PAEP: variants seen among roughly 807,000 people sequenced by gnomAD.
PAEP encodes the protein progestagen associated endometrial protein.
A neutral mutation model predicts 23.0 loss-of-function variants in PAEP; 28 were observed. That is an observed-to-expected ratio of 1.22 (90% CI 0.90 to 1.67). The LOEUF is 1.67. Among genes scored for constraint, PAEP ranks in the 40% most tolerant of loss-of-function variants. The probability of loss-of-function intolerance (pLI) is 0.00; values close to 1 mark genes in which losing one functional copy is unlikely to be tolerated. For synonymous variants in PAEP, 103 were observed against 92.4 expected (o/e 1.12, Z -0.66); for missense variants, 209 against 226.4 (o/e 0.92, Z 0.49).
chr9:135,565,296 C>T (rs762101052), intron 4 of PAEP, 114 bp from the exon 5 acceptor site: 4 of 870,318 alleles, frequency 4.6e-6, no homozygotes, highest in Non-Finnish European at 7.7e-6. Flanking sequence ...CTCTGCCAGA[C>T]CTCGGAGCAC....
Position 135,565,769 on chromosome 9 carries a change from C to G in PAEP, c.527-16C>G, listed in dbSNP as rs763483993. The G allele has an allele frequency of 3.1e-6, 5 of 1,614,046 alleles. No homozygotes were observed. In the South Asian group the frequency reaches 5.5e-5, roughly 18 times the overall value. ...TTCTCTCGCTGACACCTCCACTGTCCCATCTCCTCCCACAGAGCCGTGCCG... is the reference window on the plus strand; with the variant it reads ...TTCTCTCGCTGACACCTCCACTGTCGCATCTCCTCCCACAGAGCCGTGCCG... On this transcript the variant is annotated splice_polypyrimidine_tract_variant and intron_variant, in intron 5 of 6. Transcript: ENST00000479141.
chr9:135,562,437 G>T lies in PAEP; in HGVS notation c.236+4G>T, dbSNP rs1277200952. ...TGGAGATCGTTCTGCACAGATGGTG[G>T]GTTTCTCATCATTGAGACGGGCTGG... On this transcript the variant is annotated splice_donor_region_variant and intron_variant, in intron 2 of 6. Transcript: ENST00000479141. 1 of 1,613,108 alleles carries T rather than the reference G, an allele frequency of 6.2e-7. No homozygotes were observed. The highest frequency in any genetic ancestry group is 1.3e-5 in the African/African-American group (1 of 74,892).
intron 3 of PAEP, 146 bp from the exon 4 acceptor site, chr9:135,564,098 T>A: frequency 7.7e-7 from 1 of 1,303,860 alleles, no homozygotes; most frequent in Non-Finnish European, 1.0e-6. Flanking sequence ...CTGGCTTCCC[T>A]GATCATGGTC....
chr9:135,564,008 C>T (rs1778275373), intron 3 of PAEP, among the ~76,000 whole-genome samples: 1 of 152,210 alleles, frequency 6.6e-6, no homozygotes, highest in African/African-American at 2.4e-5. Context: ...GCCGTGTCTG[C>T]CTCTCCACGG....
intron 2 of PAEP, 126 bp downstream of exon 2, chr9:135,562,559 C>T (rs1330318521): frequency 8.2e-7 from 1 of 1,223,984 alleles, no homozygotes; most frequent in Non-Finnish European, 1.1e-6. Context: ...AGGGGCTTCA[C>T]TGTGGCCCTT....
At chr9:135,563,920 T>C (rs1304098456) in intron 3 of PAEP, among the ~76,000 whole-genome samples, 1 of 152,104 alleles carries the variant, frequency 6.6e-6, no homozygotes, top group Non-Finnish European at 1.5e-5. Context: ...TGTGCCCTGT[T>C]CCTGTGCCAT....
At position 135,565,397 on chromosome 9, in the gene PAEP, G is replaced by C. The variant is rs1047730549; in HGVS notation, c.422-13G>C. ...GCCCCAGGGGCCCAGGACTGACCCA[G>C]CCTCTTCCACAGCCAGAGTCCTGGT... On this transcript the variant is annotated splice_polypyrimidine_tract_variant and intron_variant, in intron 4 of 6. Coordinates refer to ENST00000479141, the MANE Select transcript of PAEP (RefSeq NM_002571.4). 2 of 1,611,278 alleles carry C rather than the reference G, an allele frequency of 1.2e-6. No individual in the cohort carries two copies. Among genetic ancestry groups the C allele is most frequent in the Admixed American group, 3.3e-5 (2 of 60,026 alleles).
chr9:135,566,009 T>G (rs910757429), intron 6 of PAEP, among the ~76,000 whole-genome samples: 2 of 152,138 alleles, frequency 1.3e-5, no homozygotes, highest in Non-Finnish European at 2.9e-5. Context: ...TTGCAGCCAT[T>G]GTATTAGTCA....
chr9:135,563,037 G>A (rs867795643), intron 3 of PAEP, 144 bp downstream of exon 3: 56 of 672,190 alleles, frequency 8.3e-5, no homozygotes, highest in East Asian at 5.2e-4. Context: ...TGTTTACTCC[G>A]GTCAACCTGA....
At chr9:135,562,759 A>G (rs1832370776) in intron 2 of PAEP, 61 bp from the exon 3 acceptor site, 1 of 1,372,322 alleles carries the variant, frequency 7.3e-7, no homozygotes, top group Non-Finnish European at 1.0e-6. Flanking sequence ...TGATTTTAGG[A>G]GTGACAGTGA....
chr9:135,562,292 A>G lies in PAEP; in HGVS notation c.97-2A>G, dbSNP rs1468120421. 1 of 1,613,416 alleles carries G rather than the reference A, an allele frequency of 6.2e-7. No individual in the cohort carries two copies. The highest frequency in any genetic ancestry group is 1.7e-4 in the Middle Eastern group (1 of 6,058). On this transcript the variant is annotated splice_acceptor_variant, in intron 1 of 6. Coordinates refer to ENST00000479141, the MANE Select transcript of PAEP (RefSeq NM_002571.4). LOFTEE classifies it high-confidence loss of function. ...CCGCCGTGCAGCCCAAGGCCCCCTCAGTTGGCAGGGACCTGGCACTCCATG... is the reference window on the plus strand; with the variant it reads ...CCGCCGTGCAGCCCAAGGCCCCCTCGGTTGGCAGGGACCTGGCACTCCATG...
chr9:135,565,306 C>A, intron 4 of PAEP, 104 bp from the exon 5 acceptor site: 1 of 953,194 alleles, frequency 1.0e-6, no homozygotes, highest in Non-Finnish European at 1.7e-6. Flanking sequence ...CCTCGGAGCA[C>A]TGGGGCCTCC....
chr9:135,562,211 C>G (rs1832330539), intron 1 of PAEP, 83 bp from the exon 2 acceptor site: 1 of 1,491,348 alleles, frequency 6.7e-7, no homozygotes, highest in Non-Finnish European at 9.1e-7. Context: ...GTACCCATCC[C>G]AGTTAGACTC....
Position 135,566,576 on chromosome 9 carries a change from C to G in PAEP, c.*24C>G, listed in dbSNP as rs1245155946. On this transcript the variant is annotated 3_prime_UTR_variant, in exon 7 of 7. Coordinates refer to ENST00000479141, the MANE Select transcript of PAEP (RefSeq NM_002571.4). ...AGCTCACCTCCGCCTCCAGGAAGAC[C>G]AGACTCCCACCCTTCCACACCTCCA... 1 of 154,984 alleles carries G rather than the reference C, an allele frequency of 6.5e-6. No individual in the cohort carries two copies. The highest frequency in any genetic ancestry group is 1.5e-5 in the Non-Finnish European group (1 of 68,344). 9.6% of individuals were successfully genotyped at this position (154,984 alleles called of 1,614,324 possible).
chr9:135,564,130 T>C (rs1832463492), intron 3 of PAEP, 114 bp from the exon 4 acceptor site: 5 of 1,440,780 alleles, frequency 3.5e-6, no homozygotes, highest in Non-Finnish European at 4.7e-6. Flanking sequence ...CCACGTCCCA[T>C]GGTGTCAGTG....
Position 135,565,523 on chromosome 9 carries a change from T to C in PAEP, c.526+9T>C. On this transcript the variant is annotated intron_variant, in intron 5 of 6. Transcript: ENST00000479141. ...CTTGAAACAGATGGAAGGTGAGCTC[T>C]GCCTAGGACACGCCCAGCCTCAGCT... 1 of 1,600,112 alleles carries C rather than the reference T, an allele frequency of 6.2e-7. No homozygotes were observed. The highest frequency in any genetic ancestry group is 8.6e-7 in the Non-Finnish European group (1 of 1,167,308).
intron 2 of PAEP, 26 bp from the exon 3 acceptor site, chr9:135,562,794 C>T (rs758614433): frequency 4.1e-5 from 66 of 1,592,196 alleles, no homozygotes; most frequent in Non-Finnish European, 5.4e-5. Context: ...CAAGTGGCCA[C>T]TCATCCTATT....
intron 4 of PAEP, 117 bp downstream of exon 4, chr9:135,564,471 CT>C: frequency 6.8e-7 from 1 of 1,474,176 alleles, no homozygotes; most frequent in Non-Finnish European, 9.0e-7. Flanking sequence ...TGTGGGCTGA[CT>C]TTTTTTTTCT....
chr9:135,566,157 G>A (rs927915362), intron 6 of PAEP: 16 of 272,912 alleles, frequency 5.9e-5, no homozygotes, highest in East Asian at 4.6e-4. Context: ...TGCAGGTCTC[G>A]GTCCCACGTT....
Sources: gnomAD v4.1 joint callset for allele counts (sites outside exome capture counted in the v4.1 genomes callset) on GRCh38, gnomAD v4.1.1 for gene constraint, MANE v1.5 for transcripts, NCBI Gene and HGNC (gene_info 2026-07-23, HGNC 2026-07-21) for gene names.